The following TRAPPC10 variants were observed in gnomAD, a reference collection of about 807,000 sequenced individuals.
TRAPPC10 encodes the protein TRAPP 130 kDa subunit.
A neutral mutation model predicts 125.5 loss-of-function variants in TRAPPC10; 23 were observed. That is an observed-to-expected ratio of 0.18 (90% CI 0.13 to 0.26). The LOEUF (loss-of-function observed/expected upper bound fraction) is 0.26. Ranked by LOEUF, TRAPPC10 falls within the 10% of genes least tolerant of loss-of-function variation. The pLI is 1.00. For synonymous variants in TRAPPC10, 509 were observed against 518.0 expected (o/e 0.98, Z 0.24); for missense variants, 1,123 against 1,308.4 (o/e 0.86, Z 2.19).
intron 1 of TRAPPC10, 78 bp downstream of exon 1, chr21:44,012,638 A>C (rs1448941702): frequency 3.2e-5 from 42 of 1,315,870 alleles, no homozygotes; most frequent in Non-Finnish European, 3.5e-5. Flanking sequence ...CGGCGCCCCC[A>C]GACCTTCAGC....
chr21:44,074,580 G>A, intron 8 of TRAPPC10, 110 bp downstream of exon 8: 1 of 1,435,344 alleles, frequency 7.0e-7, no homozygotes, highest in Non-Finnish European at 9.5e-7. Context: ...AGATCACGAT[G>A]CATCCACTTT....
intron 4 of TRAPPC10, 71 bp from the exon 5 acceptor site, chr21:44,055,627 A>C: frequency 8.0e-7 from 1 of 1,257,042 alleles, no homozygotes; most frequent in Non-Finnish European, 1.1e-6. Flanking sequence ...CGCTCAGGAC[A>C]ATGGCAGCTG....
chr21:44,093,570 C>T (rs1027172178), intron 19 of TRAPPC10, among the ~76,000 whole-genome samples: 1 of 152,110 alleles, frequency 6.6e-6, no homozygotes, highest in Non-Finnish European at 1.5e-5. Context: ...CCAGCCTGGG[C>T]AACACGGTGA....
In TRAPPC10 at chr21:44,035,418, G is replaced by T. The variant is rs149827657; in HGVS notation, c.150-2374G>T. Among the ~76,000 whole-genome samples the T allele has an allele frequency of 2.9e-3, 441 of 152,316 alleles. 4 individuals are homozygous for T. Among genetic ancestry groups the T allele is most frequent in the African/African-American group, 9.9e-3 (413 of 41,578 alleles). On this transcript the variant is annotated intron_variant, in intron 2 of 22. Transcript: ENST00000291574. ...GCAGCAGAAAACATACCAAGACATGGATGTGTGTGTGTGTTGGTGGGCGGT... is the reference window on the plus strand; with the variant it reads ...GCAGCAGAAAACATACCAAGACATGTATGTGTGTGTGTGTTGGTGGGCGGT...
chr21:44,043,723 C>CCTCT (rs1473050039), intron 3 of TRAPPC10, among the ~76,000 whole-genome samples: 1 of 152,114 alleles, frequency 6.6e-6, no homozygotes, highest in Non-Finnish European at 1.5e-5. Flanking sequence ...TCTGGGTGGG[C>CCTCT]CTCTGACTGT....
rs886441044 is a variant in TRAPPC10 at position 44,028,851 on chromosome 21, A to C, written c.68-3240A>C. ...GGCTCTTAGGAACCACCCTATTAAC[A>C]AGCGAGTTCCTGCTGGGTTTCGCTC... On this transcript the variant is annotated intron_variant, in intron 1 of 22. Coordinates refer to ENST00000291574, the MANE Select transcript of TRAPPC10 (RefSeq NM_003274.5). Among the ~76,000 whole-genome samples, 4 of 152,254 alleles carry C rather than the reference A, an allele frequency of 2.6e-5. No homozygotes were observed. In the South Asian group the frequency reaches 8.3e-4, roughly 32 times the overall value.
intron 7 of TRAPPC10, among the ~76,000 whole-genome samples, chr21:44,068,118 CAAAA>C (rs1282628289): frequency 7.8e-5 from 6 of 77,026 alleles, no homozygotes; most frequent in South Asian, 4.6e-4. Context: ...GACTCCGTCT[CAAAA>C]AAAAAAAAAA....
At chr21:44,053,708 C>T (rs1440599436) in intron 4 of TRAPPC10, among the ~76,000 whole-genome samples, 1 of 152,116 alleles carries the variant, frequency 6.6e-6, no homozygotes, top group African/African-American at 2.4e-5. Flanking sequence ...CAGCAGTAGC[C>T]GTTGTGGTGT....
intron 7 of TRAPPC10, among the ~76,000 whole-genome samples, chr21:44,070,831 A>T (rs1601745112): frequency 6.6e-6 from 1 of 152,118 alleles, no homozygotes; most frequent in Non-Finnish European, 1.5e-5. Context: ...CTGGTGGGAG[A>T]AGAGTGCTGG....
Position 44,063,922 on chromosome 21 carries a change from A to G in TRAPPC10, c.1038+137A>G, listed in dbSNP as rs188276762. The stretch of plus-strand genomic sequence containing the variant: ...TCTGAATGCCTTTAATTTTCAGTAT[A>G]TTGTTTGCTTAGTTACTTTTTACGT... On this transcript the variant is annotated intron_variant, in intron 7 of 22. Coordinates refer to ENST00000291574, the MANE Select transcript of TRAPPC10 (RefSeq NM_003274.5). The surrounding 1 kb of genome is among the most constrained non-coding windows in gnomAD (Gnocchi z 4.4). The G allele has an allele frequency of 7.3e-4, 914 of 1,244,948 alleles. 3 individuals are homozygous for G. Among genetic ancestry groups the G allele is most frequent in the Non-Finnish European group, 6.8e-4 (614 of 907,886 alleles). The allele number at this position is 1,244,948 out of a possible 1,614,324, so 77.1% of individuals were successfully genotyped here. A position where few individuals can be genotyped will look rare whatever the true frequency, so the allele number is the denominator to read the frequency against.
Position 44,083,264 on chromosome 21 carries a change from C to T in TRAPPC10, c.2200C>T (p.Leu734=), listed in dbSNP as rs2037886998. The change falls in exon 14 of 23, where the codon CTG becomes TTG. Residue 734 remains leucine, a synonymous_variant. Transcript: ENST00000291574. ...AHVLRCSHVT[L]EPGANQITFR... is the part of the protein sequence containing the mutation. ...CGTGCTGAGGTGCAGCCACGTGACC[C>T]TGGAACCAGGGGCCAACCAGATAAC... 1 of 1,614,058 alleles carries T rather than the reference C, an allele frequency of 6.2e-7. No homozygotes were observed. The highest frequency in any genetic ancestry group is 8.5e-7 in the Non-Finnish European group (1 of 1,179,998).
rs758747574 is a variant in TRAPPC10 at position 44,083,071 on chromosome 21, C to T, written c.2007C>T (p.Asn669=). 1.2e-6 allele frequency: 2 copies of T among 1,613,954 alleles called. No homozygotes were observed. The highest frequency in any genetic ancestry group is 2.7e-5 in the African/African-American group (2 of 74,872). The part of the protein sequence containing the change: ...PETAPFPVSQ[N]SLPALELYEM... ...CCGCACCTTTCCCTGTATCCCAAAA[C>T]AGTTTGCCCGCGCTGGAGTTGTATG... The change falls in exon 14 of 23, where the codon AAC becomes AAT. Residue 669 remains asparagine, a synonymous_variant. Transcript: ENST00000291574.
chr21:44,089,622 C>G, intron 17 of TRAPPC10: 1 of 587,502 alleles, frequency 1.7e-6, no homozygotes, highest in Non-Finnish European at 3.2e-6. Context: ...GTTCTGCGTT[C>G]GTTTCTCTTG....
At position 44,063,485 on chromosome 21, in the gene TRAPPC10, C is replaced by T; in HGVS notation, c.791-53C>T. On this transcript the variant is annotated intron_variant, in intron 6 of 22. Coordinates refer to ENST00000291574, the MANE Select transcript of TRAPPC10 (RefSeq NM_003274.5). This position sits in a 1 kb window ranked among gnomAD's most constrained non-coding sequence, Gnocchi z 4.4. The stretch of plus-strand genomic sequence containing the variant: ...CCATCCTCAGCCTGAGCAGGAAGCT[C>T]AGGAAGGTGAAGTACCTGCAATCAG... 1 of 1,591,638 alleles carries T rather than the reference C, an allele frequency of 6.3e-7. No homozygotes were observed. The highest frequency in any genetic ancestry group is 1.1e-5 in the South Asian group (1 of 86,978).
At position 44,071,583 on chromosome 21, in the gene TRAPPC10, C is replaced by T. The variant is rs138051164; in HGVS notation, c.1039-2741C>T. 4.9e-4 allele frequency among the ~76,000 whole-genome samples: 74 copies of T among 152,296 alleles called. 1 individual carries two copies. The Middle Eastern group carries it at 0.02, about 42-fold the overall frequency. On this transcript the variant is annotated intron_variant, in intron 7 of 22. Transcript: ENST00000291574. The stretch of plus-strand genomic sequence containing the variant: ...TGGGGTTTGGGTGGGAGCTAAGAGA[C>T]ACACACAGTAAGTAGTAACATACGA...
chr21:44,056,766 G>T (rs1052863361), intron 5 of TRAPPC10, among the ~76,000 whole-genome samples: 1 of 152,120 alleles, frequency 6.6e-6, no homozygotes, highest in South Asian at 2.1e-4. Flanking sequence ...TTTGGGGGTC[G>T]AGGGTGGGGT....
At chr21:44,072,920 C>T (rs1233752691) in intron 7 of TRAPPC10, among the ~76,000 whole-genome samples, 2 of 152,174 alleles carry the variant, frequency 1.3e-5, no homozygotes, top group Non-Finnish European at 2.9e-5. Flanking sequence ...CTGCAAGGTG[C>T]GGTCAGCCCG....
rs745579950 is a variant in TRAPPC10 at position 44,091,960 on chromosome 21, C to T, written c.2908C>T (p.Leu970Phe). 1.2e-6 allele frequency: 2 copies of T among 1,614,120 alleles called. No individual in the cohort carries two copies. Among genetic ancestry groups the T allele is most frequent in the Admixed American group, 1.7e-5 (1 of 60,020 alleles). Residue 970 changes from leucine (L) to phenylalanine (F), a missense_variant, in exon 19 of 23, where the codon CTT (leucine) becomes TTT (phenylalanine). By Grantham distance (22) the Leu-to-Phe change is conservative (BLOSUM62 0). This residue lies in a region of TRAPPC10 where 840 missense variants were observed against 902.0 expected (regional missense o/e 0.93). Transcript: ENST00000291574. Reference protein sequence around the residue: ...VQVCVQNLSELDFQLSDSYLV... With the variant: ...VQVCVQNLSEFDFQLSDSYLV... The stretch of plus-strand genomic sequence containing the variant: ...AGTTTGTGTCCAGAATTTGTCAGAA[C>T]TTGACTTTCAGCTGTCAGATAGTTA...
At position 44,043,669 on chromosome 21, in the gene TRAPPC10, CT is replaced by C. The variant is rs1398248681; in HGVS notation, c.285+5745del. Among the ~76,000 whole-genome samples, 6 of 152,310 alleles carry C rather than the reference CT, an allele frequency of 3.9e-5. No homozygotes were observed. The East Asian group carries it at 1.2e-3, about 29-fold the overall frequency. The stretch of plus-strand genomic sequence containing the variant: ...CATGCTCCTCTCTATGTGACAGTGA[CT>C]TTCCCTTGTTGAAAGGCTGGGCCTG... On this transcript the variant is annotated intron_variant, in intron 3 of 22. Coordinates refer to ENST00000291574, the MANE Select transcript of TRAPPC10 (RefSeq NM_003274.5).
Sources: allele counts gnomAD v4.1 joint callset (sites outside exome capture counted in the v4.1 genomes callset), GRCh38; gene constraint gnomAD v4.1.1; regional missense constraint gnomAD v4.1.1; non-coding constraint Gnocchi (gnomAD v3.1); transcripts MANE v1.5; gene names NCBI Gene and HGNC (gene_info 2026-07-23, HGNC 2026-07-21).